VWF: variants seen among roughly 807,000 people sequenced by gnomAD.
VWF encodes Factor VIII related antigen.
A neutral mutation model predicts 308.6 loss-of-function variants in VWF; 176 were observed. The observed-to-expected ratio is 0.57, with a 90% CI of 0.50 to 0.65. VWF has a LOEUF of 0.65. VWF is among the 30% of genes least tolerant of loss of function. The pLI is 0.00. For missense variants in VWF, 3,146 were observed against 3,648.2 expected, an observed-to-expected ratio of 0.86 and a Z score of 3.55; for synonymous variants, 1,385 against 1,443.4, an observed-to-expected ratio of 0.96 and a Z score of 0.92.
intron 31 of VWF, among the ~76,000 whole-genome samples, chr12:6,015,873 T>C (rs1944050686): frequency 1.3e-5 from 2 of 152,214 alleles, no homozygotes; most frequent in Admixed American, 6.5e-5. Context: ...TAATTAGTTA[T>C]AAAGATATAG....
chr12:6,011,422 G>C (rs1943991794), intron 34 of VWF, among the ~76,000 whole-genome samples, 195 bp downstream of exon 34: 1 of 152,200 alleles, frequency 6.6e-6, no homozygotes, highest in Admixed American at 6.5e-5. Context: ...AGAGGGCAGT[G>C]ATCCCTGAGA....
At chr12:6,016,695 G>C in intron 29 of VWF, 39 bp from the exon 30 acceptor site, 2 of 1,614,248 alleles carry the variant, frequency 1.2e-6, no homozygotes, top group Non-Finnish European at 1.7e-6. Flanking sequence ...TTTGAATCAA[G>C]TAGAGCCACA....
chr12:6,089,565 CCA>C (rs1945008913), intron 6 of VWF, among the ~76,000 whole-genome samples: 1 of 152,248 alleles, frequency 6.6e-6, no homozygotes, highest in South Asian at 2.1e-4. Context: ...CCCTTTGTCT[CCA>C]GGAGACAAAC....
At chr12:6,107,330 T>C (rs775986102) in intron 5 of VWF, among the ~76,000 whole-genome samples, 13 of 152,216 alleles carry the variant, frequency 8.5e-5, no homozygotes, top group Non-Finnish European at 1.8e-4. Context: ...TATAGTTTGA[T>C]TGTGGTGGTT....
intron 16 of VWF, among the ~76,000 whole-genome samples, chr12:6,052,214 G>A (rs1235024707): frequency 6.6e-6 from 1 of 152,182 alleles, no homozygotes; most frequent in Non-Finnish European, 1.5e-5. Context: ...GGCTGGAAAG[G>A]AGGGTGACAG....
chr12:6,122,118 G>C (rs952281164), intron 2 of VWF, among the ~76,000 whole-genome samples: 1 of 152,016 alleles, frequency 6.6e-6, no homozygotes, highest in African/African-American at 2.4e-5. Flanking sequence ...TATAACCTCT[G>C]TTTATTTCTC....
intron 38 of VWF, among the ~76,000 whole-genome samples, chr12:5,988,180 A>G (rs1419034469): frequency 1.3e-5 from 2 of 152,058 alleles, no homozygotes; most frequent in Non-Finnish European, 2.9e-5. Context: ...ACGAAGGAAC[A>G]CTCCCGCAGT....
chr12:6,057,353 C>T (rs1176072529), intron 14 of VWF, among the ~76,000 whole-genome samples: 1 of 136,334 alleles, frequency 7.3e-6, no homozygotes, highest in African/African-American at 3.0e-5. Flanking sequence ...CTTGCTCTGT[C>T]GCCCGGGCTG....
intron 47 of VWF, among the ~76,000 whole-genome samples, chr12:5,967,211 T>C (rs141104541): frequency 2.2e-3 from 335 of 152,284 alleles, no homozygotes; most frequent in Admixed American, 5.6e-3. Context: ...GGATACAGAA[T>C]TGTAAACATA....
At chr12:6,036,609 G>A (rs1173246677) in intron 18 of VWF, 118 bp from the exon 19 acceptor site, 14 of 949,802 alleles carry the variant, frequency 1.5e-5, no homozygotes, top group Non-Finnish European at 2.0e-5. Flanking sequence ...CCAGCACTGG[G>A]ACTGGCACCA....
intron 44 of VWF, among the ~76,000 whole-genome samples, chr12:5,969,689 G>A (rs111435762): frequency 2.3e-3 from 346 of 152,328 alleles, no homozygotes; most frequent in Non-Finnish European, 3.6e-3. Context: ...CAGATACTCC[G>A]GCCAAGAAGC....
chr12:5,956,855 A>C (rs1943257385), intron 47 of VWF, among the ~76,000 whole-genome samples: 1 of 152,188 alleles, frequency 6.6e-6, no homozygotes, highest in African/African-American at 2.4e-5. Context: ...ATTATTGAAG[A>C]AAGAAAAATA....
At position 6,052,799 on chromosome 12, in the gene VWF, G is replaced by GAAT. The variant is rs755605027; in HGVS notation, c.1946-17_1946-16insATT. 4 of 1,611,708 alleles carry GAAT rather than the reference G, an allele frequency of 2.5e-6. No individual in the cohort carries two copies. The highest frequency in any genetic ancestry group is 3.4e-6 in the Non-Finnish European group (4 of 1,178,956). On this transcript the variant is annotated splice_polypyrimidine_tract_variant and intron_variant, in intron 15 of 51. Transcript: ENST00000261405. ...CAGTTCAGCTCTAGAAGAGAGAGGA[G>GAAT]AAGTAAGGCCTCAGCGGGAATGTTG...
intron 6 of VWF, among the ~76,000 whole-genome samples, chr12:6,081,403 G>A (rs867736609): frequency 5.9e-5 from 9 of 152,088 alleles, no homozygotes; most frequent in Middle Eastern, 3.4e-3. Context: ...ATAGTGGCAC[G>A]ATCTCAGCTC....
intron 38 of VWF, among the ~76,000 whole-genome samples, chr12:5,986,300 A>G (rs1943679981): frequency 6.6e-6 from 1 of 152,202 alleles, no homozygotes; most frequent in South Asian, 2.1e-4. Flanking sequence ...AAATGAGCGT[A>G]CTCAAGCCTG....
intron 10 of VWF, among the ~76,000 whole-genome samples, chr12:6,067,951 T>C (rs1944735309): frequency 2.0e-5 from 3 of 151,872 alleles, no homozygotes; most frequent in African/African-American, 7.2e-5. Context: ...CTGGCCAACA[T>C]GGTGAAACCC....
At position 6,111,967 on chromosome 12, in the gene VWF, A is replaced by T. The variant is rs186190467; in HGVS notation, c.221-999T>A. Among the ~76,000 whole-genome samples the T allele has an allele frequency of 6.1e-3, 934 of 152,230 alleles. 13 individuals are homozygous for T. Among genetic ancestry groups the T allele is most frequent in the African/African-American group, 0.021 (892 of 41,550 alleles). On this transcript the variant is annotated intron_variant, in intron 3 of 51. Transcript: ENST00000261405. ...AGCAAGACTCTGTCTCAAAAAAAATAAAAAATAAAAATAAATAAATAAATA... is the reference window on the plus strand; with the variant it reads ...AGCAAGACTCTGTCTCAAAAAAAATTAAAAATAAAAATAAATAAATAAATA...
In VWF at chr12:6,075,916, A is replaced by G. The variant is rs559078064; in HGVS notation, c.658-365T>C. Among the ~76,000 whole-genome samples the G allele has an allele frequency of 6.6e-5, 10 of 152,340 alleles. No homozygotes were observed. In the East Asian group the frequency reaches 1.7e-3, roughly 26 times the overall value. On this transcript the variant is annotated intron_variant, in intron 6 of 51. Transcript: ENST00000261405. This position sits in a 1 kb window ranked among gnomAD's most constrained non-coding sequence, Gnocchi z 4.7. ...GGCTGCAGAGTCCAGGAATGCTGTC[A>G]GCATCGGTTCTGCACTGACCTGTTC...
At chr12:6,051,434 G>A (rs1944510267) in intron 16 of VWF, among the ~76,000 whole-genome samples, 1 of 151,944 alleles carries the variant, frequency 6.6e-6, no homozygotes, top group Non-Finnish European at 1.5e-5. Flanking sequence ...TGGGACTACA[G>A]GCACCCGCTA....
Sources: gnomAD v4.1 joint callset for allele counts (sites outside exome capture counted in the v4.1 genomes callset) on GRCh38, gnomAD v4.1.1 for gene constraint, Gnocchi (gnomAD v3.1) non-coding constraint, MANE v1.5 for transcripts, NCBI Gene and HGNC (gene_info 2026-07-23, HGNC 2026-07-21) for gene names.